The following RBL1 variants were observed in gnomAD, a reference collection of about 807,000 sequenced individuals.
RBL1 encodes the protein retinoblastoma-like protein 1.
A neutral mutation model predicts 123.0 loss-of-function variants in RBL1; 82 were observed. The ratio of observed to expected loss-of-function variants is 0.67; its 90% CI spans 0.56 to 0.80. RBL1 has a LOEUF of 0.80. Among genes scored for constraint, RBL1 ranks in the 30% least tolerant of loss-of-function variants. RBL1 has a pLI of 0.00. For missense variants in RBL1, 1,171 were observed against 1,299.6 expected (o/e 0.90, Z 1.52); for synonymous variants, 405 against 441.3 (o/e 0.92, Z 1.03).
rs538676134 is a variant in RBL1, at chr20:37,014,066, C to G, written c.2722+4213G>C. 2.0e-5 allele frequency among the ~76,000 whole-genome samples: 3 copies of G among 151,724 alleles called. No individual in the cohort carries two copies. In the South Asian group the frequency reaches 6.2e-4, roughly 32 times the overall value. ...ATATAGACTTGTCTGACTGTATATCCTCCTACATAACTTTCTCTCTTTTTT... is the reference window on the plus strand; with the variant it reads ...ATATAGACTTGTCTGACTGTATATCGTCCTACATAACTTTCTCTCTTTTTT... On this transcript the variant is annotated intron_variant, in intron 19 of 21. Coordinates refer to ENST00000373664, the MANE Select transcript of RBL1 (RefSeq NM_002895.5).
intron 1 of RBL1, among the ~76,000 whole-genome samples, chr20:37,093,645 AT>A (rs56745650): frequency 0.025 from 3,427 of 136,114 alleles, 46 homozygotes; most frequent in Non-Finnish European, 0.036. Context: ...GTTTCTTTCC[AT>A]TTTTTTTTTT....
intron 18 of RBL1, among the ~76,000 whole-genome samples, chr20:37,020,324 G>A (rs1031223684): frequency 1.3e-5 from 2 of 151,886 alleles, no homozygotes; most frequent in African/African-American, 4.8e-5. Flanking sequence ...CCTGACCTCA[G>A]GTAATCCACC....
At chr20:37,068,530 TA>T (rs5841250) in intron 2 of RBL1, among the ~76,000 whole-genome samples, 30 of 145,358 alleles carry the variant, frequency 2.1e-4, no homozygotes, top group Middle Eastern at 3.5e-3. Context: ...TAAATTTAAT[TA>T]AAAAAAAAAA....
chr20:37,000,185 C>T (rs1236986309), intron 21 of RBL1, among the ~76,000 whole-genome samples: 6 of 148,262 alleles, frequency 4.0e-5, no homozygotes, highest in East Asian at 2.1e-4. Context: ...GCAACCGCCC[C>T]GTCTGAGAAG....
chr20:37,064,090 T>G (rs1265645980), intron 7 of RBL1, among the ~76,000 whole-genome samples: 1 of 151,900 alleles, frequency 6.6e-6, no homozygotes, highest in Admixed American at 6.6e-5. Context: ...TCCAAAGTGC[T>G]GGGATTACAG....
At chr20:37,009,579 C>CTGG (rs1215078828) in intron 19 of RBL1, among the ~76,000 whole-genome samples, 1 of 151,950 alleles carries the variant, frequency 6.6e-6, no homozygotes, top group African/African-American at 2.4e-5. Context: ...AGGCTGGTCT[C>CTGG]TAACTCCTGG....
chr20:37,091,840 TA>T (rs2065651547), intron 1 of RBL1, among the ~76,000 whole-genome samples: 1 of 152,148 alleles, frequency 6.6e-6, no homozygotes, highest in African/African-American at 2.4e-5. Flanking sequence ...TGGCCATCAA[TA>T]AACCCAATGT....
chr20:37,039,599 A>G (rs2064687104), intron 14 of RBL1, among the ~76,000 whole-genome samples: 2 of 152,170 alleles, frequency 1.3e-5, no homozygotes, highest in Non-Finnish European at 2.9e-5. Context: ...GCCTTCCACC[A>G]TGATCGTGAG....
At chr20:37,094,241 C>G (rs1396219299) in intron 1 of RBL1, among the ~76,000 whole-genome samples, 1 of 152,132 alleles carries the variant, frequency 6.6e-6, no homozygotes, top group Non-Finnish European at 1.5e-5. Context: ...CAAATCAGAC[C>G]TAGGATGTCA....
chr20:37,007,549 A>G lies in RBL1; in HGVS notation c.2733T>C (p.Asp911=), dbSNP rs1247058969. Reference sequence around the variant, plus strand: ...TGGAACAGTCAGGTGTTTTTGTAGCATCTTCTAAGTCTGTTAAAAAGAATG... The same window carrying G: ...TGGAACAGTCAGGTGTTTTTGTAGCGTCTTCTAAGTCTGTTAAAAAGAATG... ...DFEMIDCDLE[D]ATKTPDCSSG... The change falls in exon 20 of 22, where the codon GAT becomes GAC. Residue 911 remains aspartate, a synonymous_variant. Coordinates refer to ENST00000373664, the MANE Select transcript of RBL1 (RefSeq NM_002895.5). 6.2e-7 allele frequency: 1 copy of G among 1,613,096 alleles called. No individual in the cohort carries two copies. Among genetic ancestry groups the G allele is most frequent in the Non-Finnish European group, 8.5e-7 (1 of 1,179,752 alleles).
chr20:37,076,986 G>C (rs960319328), intron 2 of RBL1, among the ~76,000 whole-genome samples: 6 of 150,122 alleles, frequency 4.0e-5, no homozygotes, highest in South Asian at 2.1e-4. Flanking sequence ...GCCCAGGCTG[G>C]AGTGCAGTGG....
intron 19 of RBL1, among the ~76,000 whole-genome samples, chr20:37,017,620 T>TTG (rs147347259): frequency 0.29 from 40,233 of 139,646 alleles, 6,700 homozygotes; most frequent in East Asian, 0.43. Context: ...GGACATTTTC[T>TTG]TGTGTGTGTG....
intron 2 of RBL1, among the ~76,000 whole-genome samples, chr20:37,075,214 G>A (rs2065345156): frequency 6.6e-6 from 1 of 152,168 alleles, no homozygotes; most frequent in Non-Finnish European, 1.5e-5. Flanking sequence ...TGTGGGGGTT[G>A]GAATACGAAG....
intron 15 of RBL1, among the ~76,000 whole-genome samples, chr20:37,034,758 T>TA (rs1174637786): frequency 6.6e-6 from 1 of 150,944 alleles, no homozygotes; most frequent in Non-Finnish European, 1.5e-5. Flanking sequence ...TTATAAAATT[T>TA]AAAAATAAAA....
intron 1 of RBL1, among the ~76,000 whole-genome samples, chr20:37,090,006 C>A (rs531421641): frequency 2.0e-5 from 3 of 152,168 alleles, no homozygotes; most frequent in African/African-American, 7.2e-5. Flanking sequence ...GAGTAGAGAT[C>A]GTGCCACTAC....
intron 19 of RBL1, among the ~76,000 whole-genome samples, chr20:37,012,476 C>T (rs1322074801): frequency 6.6e-6 from 1 of 150,764 alleles, no homozygotes; most frequent in Non-Finnish European, 1.5e-5. Context: ...TCTGCCCGGC[C>T]GCCCATCGTC....
rs1424610858 is a variant in RBL1 at position 37,032,583 on chromosome 20, A to G, written c.2382+82T>C. 4 of 1,554,900 alleles carry G rather than the reference A, an allele frequency of 2.6e-6. No homozygotes were observed. The African/African-American group carries it at 5.5e-5, about 22-fold the overall frequency. On this transcript the variant is annotated intron_variant, in intron 16 of 21. Transcript: ENST00000373664. Reference sequence around the variant, plus strand: ...TTGTGTTATGTATATTAGAAAAAAAAAAGACCAAAGTCTGTCTCTGTTACT... The same window carrying G: ...TTGTGTTATGTATATTAGAAAAAAAGAAGACCAAAGTCTGTCTCTGTTACT...
intron 14 of RBL1, 25 bp downstream of exon 14, chr20:37,040,128 A>G (rs949803509): frequency 1.2e-6 from 2 of 1,606,264 alleles, no homozygotes; most frequent in African/African-American, 1.3e-5. Context: ...TTACTTTTTC[A>G]TTCCTTTACC....
At chr20:37,029,962 T>A (rs1600492626) in intron 16 of RBL1, among the ~76,000 whole-genome samples, 1 of 152,164 alleles carries the variant, frequency 6.6e-6, no homozygotes, top group African/African-American at 2.4e-5. Context: ...TGAAAAGACA[T>A]CCTATGATCA....
Sources: gnomAD v4.1 joint callset for allele counts (sites outside exome capture counted in the v4.1 genomes callset) on GRCh38, gnomAD v4.1.1 for gene constraint, MANE v1.5 for transcripts, NCBI Gene and HGNC (gene_info 2026-07-23, HGNC 2026-07-21) for gene names.